Variants in ZFYVE28 observed in about 807,000 individuals in gnomAD.
The protein encoded by ZFYVE28 is lateral signaling target protein 2 homolog.
Under a neutral mutation model 82.1 loss-of-function variants are expected in ZFYVE28, and 40 were observed. The observed-to-expected ratio is 0.49, with a 90% CI of 0.38 to 0.63. The LOEUF is 0.63. Ranked by LOEUF, ZFYVE28 falls within the 30% of genes least tolerant of loss-of-function variation. The pLI is 0.00. For missense variants in ZFYVE28, 1,321 were observed against 1,242.1 expected (o/e 1.06, Z -0.96); for synonymous variants, 612 against 546.1 (o/e 1.12, Z -1.68).
chr4:2,328,772 T>G (rs1327371395), intron 6 of ZFYVE28: 1 of 221,858 alleles, frequency 4.5e-6, no homozygotes, highest in African/African-American at 2.3e-5. Flanking sequence ...AGATGACACA[T>G]GAAGTTAACC....
intron 7 of ZFYVE28, among the ~76,000 whole-genome samples, chr4:2,308,669 G>GAAAGAA: frequency 1.1e-5 from 1 of 88,578 alleles, no homozygotes; most frequent in African/African-American, 4.6e-5. Context: ...AAGAAAGAAA[G>GAAAGAA]AAAGAAAGAG....
intron 1 of ZFYVE28, among the ~76,000 whole-genome samples, chr4:2,358,338 C>T (rs1725640955): frequency 6.6e-6 from 1 of 152,232 alleles, no homozygotes; most frequent in African/African-American, 2.4e-5. Context: ...TCAAGATGAG[C>T]TCCCACAGGG....
intron 8 of ZFYVE28, among the ~76,000 whole-genome samples, chr4:2,296,111 G>A (rs1016455458): frequency 6.6e-6 from 1 of 152,200 alleles, no homozygotes; most frequent in African/African-American, 2.4e-5. Context: ...AGGCCTCCCC[G>A]AGAGCACAGC....
At chr4:2,343,721 C>T (rs1437012042) in intron 2 of ZFYVE28, among the ~76,000 whole-genome samples, 1 of 152,034 alleles carries the variant, frequency 6.6e-6, no homozygotes. Flanking sequence ...CCAGGTGGCA[C>T]AGCTTGCCCA....
intron 8 of ZFYVE28, among the ~76,000 whole-genome samples, chr4:2,301,137 C>CA (rs1365308734): frequency 7.0e-6 from 1 of 142,484 alleles, no homozygotes; most frequent in Non-Finnish European, 1.5e-5. Context: ...ACTGCGCTAT[C>CA]ACCCCCGTAT....
chr4:2,331,702 G>A (rs926052167), intron 6 of ZFYVE28, among the ~76,000 whole-genome samples: 4 of 152,124 alleles, frequency 2.6e-5, no homozygotes, highest in Admixed American at 6.5e-5. Flanking sequence ...CCTCCCCTAC[G>A]GCTCAGAGCA....
chr4:2,418,381 CG>C lies in ZFYVE28; in HGVS notation c.-59del. On this transcript the variant is annotated 5_prime_UTR_variant, in exon 1 of 13. Transcript: ENST00000290974. This position sits in a 1 kb window ranked among gnomAD's most constrained non-coding sequence, Gnocchi z 4.6. ...CCCTCGCCCTCCGCAGCGCTGCGCC[CG>C]GGCCCGGCTGAGGCGCGGGGCGGAC... 3 of 1,254,328 alleles carry C rather than the reference CG, an allele frequency of 2.4e-6. No individual in the cohort carries two copies. The highest frequency in any genetic ancestry group is 1.0e-6 in the Non-Finnish European group (1 of 992,562). 77.7% of individuals were successfully genotyped at this position (1,254,328 alleles called of 1,614,324 possible). A position where few individuals can be genotyped will look rare whatever the true frequency, so the allele number is the denominator to read the frequency against.
rs1277322333 is a variant in ZFYVE28 at position 2,341,611 on chromosome 4, T to C, written c.185A>G (p.Asn62Ser). The C allele has an allele frequency of 3.1e-6, 5 of 1,607,966 alleles. No homozygotes were observed. In the African/African-American group the frequency reaches 4.0e-5, roughly 13 times the overall value. Residue 62 changes from asparagine (N) to serine (S), a missense_variant, in exon 3 of 13, where the codon AAT becomes AGT. Physicochemically the swap from Asn to Ser is conservative, Grantham distance 46. Coordinates refer to ENST00000290974, the MANE Select transcript of ZFYVE28 (RefSeq NM_020972.3). The surrounding 1 kb of genome is among the most constrained non-coding windows in gnomAD (Gnocchi z 4.5). Reference protein sequence around the residue: ...LVSQFRSCQDNVLNIINQIMD... With the variant: ...LVSQFRSCQDSVLNIINQIMD... Reference sequence around the variant, plus strand: ...GATCTGGTTAATGATGTTCAACACATTGTCCTGAAACAGAAGACAGGAGAA... The same window carrying C: ...GATCTGGTTAATGATGTTCAACACACTGTCCTGAAACAGAAGACAGGAGAA...
chr4:2,305,148 C>T lies in ZFYVE28; in HGVS notation c.1192G>A (p.Glu398Lys). 6.3e-7 allele frequency: 1 copy of T among 1,589,406 alleles called. No homozygotes were observed. The highest frequency in any genetic ancestry group is 1.7e-5 in the Admixed American group (1 of 58,832). ...PRLRSGSDEEERVFFMDDVEG... is the reference protein window; with the variant it reads ...PRLRSGSDEEKRVFFMDDVEG... ...ACGTCATCCATGAAGAACACGCGCT[C>T]CTCCTCGTCACTGCCTGACCGCAGG... Residue 398 changes from glutamate to lysine, a missense_variant, in exon 8 of 13, where the codon GAG (glutamate) becomes AAG (lysine). By Grantham distance (56) the Glu-to-Lys change is moderately conservative. Coordinates refer to ENST00000290974, the MANE Select transcript of ZFYVE28 (RefSeq NM_020972.3).
In ZFYVE28 at chr4:2,409,929, G is replaced by A. The variant is rs201895579; in HGVS notation, c.39+8356C>T. On this transcript the variant is annotated intron_variant, in intron 1 of 12. Transcript: ENST00000290974. The surrounding 1 kb of genome is among the most constrained non-coding windows in gnomAD (Gnocchi z 4.4). ...CCCCCGCCAGGTGGCCACAGTCAGC[G>A]GGCCAGGCTGGCAGGGTGCTTTCCA... is the stretch of plus-strand genomic sequence containing the variant. Among the ~76,000 whole-genome samples, 5 of 152,220 alleles carry A rather than the reference G, an allele frequency of 3.3e-5. No homozygotes were observed. The highest frequency in any genetic ancestry group is 9.6e-5 in the African/African-American group (4 of 41,462).
In ZFYVE28 at chr4:2,417,473, G is replaced by C. The variant is rs1348304113; in HGVS notation, c.39+812C>G. Among the ~76,000 whole-genome samples the C allele has an allele frequency of 6.6e-6, 1 of 150,770 alleles. No homozygotes were observed. The highest frequency in any genetic ancestry group is 1.5e-5 in the Non-Finnish European group (1 of 67,630). ...CGCGCCGCCCGGACCCCGACCCCGC[G>C]GCGCTAGGAGAGGCGCGGGCGCCGG... On this transcript the variant is annotated intron_variant, in intron 1 of 12. Transcript: ENST00000290974. The surrounding 1 kb of genome is among the most constrained non-coding windows in gnomAD (Gnocchi z 4.8).
At chr4:2,296,399 C>G (rs1009292827) in intron 8 of ZFYVE28, among the ~76,000 whole-genome samples, 2 of 152,238 alleles carry the variant, frequency 1.3e-5, no homozygotes, top group African/African-American at 4.8e-5. Context: ...CAGCCCTGGT[C>G]TTATCCCCGA....
At chr4:2,399,057 GAGGTGAGATCCAGGGCACAAGCGTGA>G (rs1269610949) in intron 1 of ZFYVE28, among the ~76,000 whole-genome samples, 34 of 139,728 alleles carry the variant, frequency 2.4e-4, no homozygotes, top group South Asian at 6.9e-4. Context: ...CACAAGCGTG[GAGGTGAGATCCAGGGCACAAGCGTGA>G]AGGTGAGATC....
chr4:2,287,377 A>C (rs188766590), intron 8 of ZFYVE28: 1 of 152,344 alleles, frequency 6.6e-6, no homozygotes, highest in Admixed American at 6.5e-5. Flanking sequence ...GACAAGTGAG[A>C]TCCTCTCAGC....
At position 2,362,066 on chromosome 4, in the gene ZFYVE28, A is replaced by G. The variant is rs1400191313; in HGVS notation, c.40-7993T>C. Among the ~76,000 whole-genome samples, 1 of 152,072 alleles carries G rather than the reference A, an allele frequency of 6.6e-6. No individual in the cohort carries two copies. Among genetic ancestry groups the G allele is most frequent in the Non-Finnish European group, 1.5e-5 (1 of 68,000 alleles). ...GGACATAAGCTGGGCTCTAAGCTCC[A>G]GTTCCCAAGACAGACCACCCCAGGC... On this transcript the variant is annotated intron_variant, in intron 1 of 12. Transcript: ENST00000290974. The surrounding 1 kb of genome is among the most constrained non-coding windows in gnomAD (Gnocchi z 5.1).
intron 1 of ZFYVE28, among the ~76,000 whole-genome samples, chr4:2,402,010 C>G (rs1435661074): frequency 6.6e-6 from 1 of 152,260 alleles, no homozygotes; most frequent in Non-Finnish European, 1.5e-5. Flanking sequence ...GAGGCTTTGT[C>G]ATGCTGCAGT....
In ZFYVE28 at chr4:2,339,743, C is replaced by T. The variant is rs988852046; in HGVS notation, c.319-88G>A. 9 of 1,277,920 alleles carry T rather than the reference C, an allele frequency of 7.0e-6. No homozygotes were observed. Among genetic ancestry groups the T allele is most frequent in the African/African-American group, 4.5e-5 (3 of 67,086 alleles). The allele number at this position is 1,277,920 out of a possible 1,614,324, so 79.2% of individuals were successfully genotyped here. A position where few individuals can be genotyped will look rare whatever the true frequency, so the allele number is the denominator to read the frequency against. On this transcript the variant is annotated intron_variant, in intron 3 of 12. Coordinates refer to ENST00000290974, the MANE Select transcript of ZFYVE28 (RefSeq NM_020972.3). The surrounding 1 kb of genome is among the most constrained non-coding windows in gnomAD (Gnocchi z 5.0). ...ACCCGGGGAACCTGACTGCGCACCT[C>T]GGGGCCCCTCTTCTCACCCCACAGC...
chr4:2,305,155 G>C lies in ZFYVE28; in HGVS notation c.1185C>G (p.Asp395Glu), dbSNP rs202196380. 24 of 1,590,034 alleles carry C rather than the reference G, an allele frequency of 1.5e-5. No homozygotes were observed. Among genetic ancestry groups the C allele is most frequent in the African/African-American group, 5.4e-5 (4 of 74,548 alleles). ...PGRPRLRSGSDEEERVFFMDD... is the reference protein window; with the variant it reads ...PGRPRLRSGSEEEERVFFMDD... ...CCATGAAGAACACGCGCTCCTCCTCGTCACTGCCTGACCGCAGGCGCGGTC... is the reference window on the plus strand; with the variant it reads ...CCATGAAGAACACGCGCTCCTCCTCCTCACTGCCTGACCGCAGGCGCGGTC... The change falls in exon 8 of 13, where the codon GAC becomes GAG. Residue 395 changes from aspartate to glutamate, a missense_variant. Coordinates refer to ENST00000290974, the MANE Select transcript of ZFYVE28 (RefSeq NM_020972.3).
chr4:2,300,757 C>T lies in ZFYVE28; in HGVS notation c.2051+3532G>A, dbSNP rs373118731. 2.6e-3 allele frequency among the ~76,000 whole-genome samples: 389 copies of T among 152,274 alleles called. 1 individual carries two copies. The highest frequency in any genetic ancestry group is 3.4e-3 in the Middle Eastern group (1 of 294). ...ACACATTTCCTTCATTTGCAGTACA[C>T]GGAGACGCGACTCGCACGTGAGACT... is the stretch of plus-strand genomic sequence containing the variant. On this transcript the variant is annotated intron_variant, in intron 8 of 12. Coordinates refer to ENST00000290974, the MANE Select transcript of ZFYVE28 (RefSeq NM_020972.3). The surrounding 1 kb of genome is among the most constrained non-coding windows in gnomAD (Gnocchi z 4.6).
Sources: gnomAD v4.1 joint callset for allele counts (sites outside exome capture counted in the v4.1 genomes callset) on GRCh38, gnomAD v4.1.1 for gene constraint, Gnocchi (gnomAD v3.1) non-coding constraint, MANE v1.5 for transcripts, NCBI Gene and HGNC (gene_info 2026-07-23, HGNC 2026-07-21) for gene names.